FGF13: variants seen among roughly 807,000 people sequenced by gnomAD.
FGF13 encodes fibroblast growth factor 13.
Under a neutral mutation model 19.5 loss-of-function variants are expected in FGF13, and 2 were observed. That is an observed-to-expected ratio of 0.10 (90% confidence interval 0.04 to 0.32). The LOEUF is 0.32. Among genes scored for constraint, FGF13 ranks in the 10% least tolerant of loss-of-function variants. FGF13 has a pLI of 1.00. For missense variants in FGF13, 113 were observed against 192.7 expected, an observed-to-expected ratio of 0.59 and a Z score of 2.45; for synonymous variants, 72 against 76.9, an observed-to-expected ratio of 0.94 and a Z score of 0.33.
At chrX:138,840,477 G>A (rs764173082) in intron 3 of FGF13, among the ~76,000 whole-genome samples, 7 of 111,714 alleles carry the variant, frequency 6.3e-5, no homozygotes, top group Admixed American at 9.5e-5. Flanking sequence ...TGCACAACAG[G>A]TCGCCCTGCC....
chrX:138,931,949 A>G (rs775961943), intron 1 of FGF13, among the ~76,000 whole-genome samples: 12 of 111,302 alleles, frequency 1.1e-4, no homozygotes, highest in Admixed American at 5.7e-4. Flanking sequence ...TCCCATGTCC[A>G]TTCCCCAACA....
intron 1 of FGF13, among the ~76,000 whole-genome samples, chrX:138,970,490 G>A (rs1345069797): frequency 9.0e-6 from 1 of 111,346 alleles, no homozygotes; most frequent in Non-Finnish European, 1.9e-5. Context: ...AGATTGGTAG[G>A]CTACAGAAAC....
At chrX:138,946,914 C>A (rs1170325670) in intron 1 of FGF13, among the ~76,000 whole-genome samples, 1 of 111,945 alleles carries the variant, frequency 8.9e-6, no homozygotes, top group Non-Finnish European at 1.9e-5. Flanking sequence ...AACAAAACTG[C>A]AAAAGAAACA....
chrX:138,988,584 T>C (rs191366234), intron 1 of FGF13, among the ~76,000 whole-genome samples: 1 of 112,277 alleles, frequency 8.9e-6, no homozygotes, highest in Non-Finnish European at 1.9e-5. Context: ...TTCTCTGCCA[T>C]TAGTATGCAG....
intron 1 of FGF13, among the ~76,000 whole-genome samples, chrX:139,141,355 T>A (rs934585088): frequency 8.9e-6 from 1 of 112,243 alleles, no homozygotes; most frequent in Non-Finnish European, 1.9e-5. Flanking sequence ...TGTTCAATAA[T>A]TACCTGTGAA....
At chrX:138,775,909 ATATGT>A (rs2124349840) in intron 3 of FGF13, among the ~76,000 whole-genome samples, 1 of 112,239 alleles carries the variant, frequency 8.9e-6, no homozygotes, top group Non-Finnish European at 1.9e-5. Flanking sequence ...TAGCATGGAG[ATATGT>A]TGTGATGTGA....
downstream of FGF13, among the ~76,000 whole-genome samples, chrX:138,853,190 T>C (rs891919312): frequency 5.4e-5 from 6 of 111,869 alleles, no homozygotes; most frequent in South Asian, 2.2e-3. Flanking sequence ...CAACTATTAA[T>C]TCAAATTAAT....
At chrX:138,814,919 T>G (rs1209965563) in intron 3 of FGF13, among the ~76,000 whole-genome samples, 1 of 111,779 alleles carries the variant, frequency 8.9e-6, no homozygotes, top group East Asian at 2.8e-4. Flanking sequence ...TTTACAATAC[T>G]CAAGATATGG....
At chrX:138,887,463 C>T (rs1034117065) in intron 1 of FGF13, among the ~76,000 whole-genome samples, 1 of 111,575 alleles carries the variant, frequency 9.0e-6, no homozygotes, top group African/African-American at 3.3e-5. Context: ...CAGGCCTCTT[C>T]CTTGTTGAGC....
At chrX:139,174,430 G>A (rs936312868) in intron 1 of FGF13, among the ~76,000 whole-genome samples, 80 of 112,026 alleles carry the variant, frequency 7.1e-4, no homozygotes, top group Non-Finnish European at 1.3e-3. Flanking sequence ...GTCAATTTTC[G>A]CTTTTGTTGC....
At chrX:138,978,266 G>GTTTTTTTTTTTTTTTTTTTTTTTTTTTTT (rs10666140) in intron 1 of FGF13, among the ~76,000 whole-genome samples, 3 of 82,915 alleles carry the variant, frequency 3.6e-5, no homozygotes, top group Admixed American at 1.6e-4. Flanking sequence ...AGCTGCCCTG[G>GTTTTTTTTTTTTTTTTTTTTTTTTTTTTT]TTTTTTTTTT....
At chrX:139,065,496 GAA>G (rs201965064) in intron 1 of FGF13, among the ~76,000 whole-genome samples, 12,641 of 88,883 alleles carry the variant, frequency 0.14, 812 homozygotes, top group African/African-American at 0.24. Context: ...AAAAAAAAAA[GAA>G]AAAGAAAAAA....
At chrX:138,708,336 T>C (rs1424999047) in intron 2 of FGF13, among the ~76,000 whole-genome samples, 1 of 111,682 alleles carries the variant, frequency 9.0e-6, no homozygotes, top group African/African-American at 3.3e-5. Flanking sequence ...CCTGCGGAGG[T>C]ATCTCAATGT....
Position 139,005,439 on chromosome X carries a change from G to A in FGF13, c.-112-140789C>T, listed in dbSNP as rs188042895. Among the ~76,000 whole-genome samples the A allele has an allele frequency of 2.2e-3, 246 of 110,490 alleles. 2 individuals are homozygous for A. Among genetic ancestry groups the A allele is most frequent in the African/African-American group, 7.5e-3 (229 of 30,342 alleles). On this transcript the variant is annotated intron_variant, in intron 1 of 2. Coordinates refer to the FGF13 transcript ENST00000421460. The stretch of plus-strand genomic sequence containing the variant: ...ATACTTAAGTCCTTTTGAATACCAG[G>A]AAAGGCTTCTCAAGGAGGATGCATA...
chrX:138,956,308 G>C (rs2091841190), intron 1 of FGF13, among the ~76,000 whole-genome samples: 1 of 111,954 alleles, frequency 8.9e-6, no homozygotes, highest in Non-Finnish European at 1.9e-5. Context: ...GCAGAAATAA[G>C]ACAGAAAGAA....
At chrX:139,004,025 G>A (rs2092088112) in intron 1 of FGF13, among the ~76,000 whole-genome samples, 1 of 112,383 alleles carries the variant, frequency 8.9e-6, no homozygotes, top group South Asian at 3.7e-4. Flanking sequence ...CCGTGCACTC[G>A]CATTCCTTGG....
In FGF13 at chrX:138,980,674, GGTTTT is replaced by G. The variant is rs1301470222; in HGVS notation, c.-112-116029_-112-116025del. ...TCACTATGGATGCTTCCAGAAGTGTGGTTTTTTTTTTTTTTTTTTTTTTGCATTAA... is the reference window on the plus strand; with the variant it reads ...TCACTATGGATGCTTCCAGAAGTGTGTTTTTTTTTTTTTTTTTTGCATTAA... On this transcript the variant is annotated intron_variant, in intron 1 of 2. Transcript: ENST00000421460. 4.0e-3 allele frequency among the ~76,000 whole-genome samples: 134 copies of G among 33,837 alleles called. 1 individual carries two copies. Among genetic ancestry groups the G allele is most frequent in the African/African-American group, 0.013 (132 of 10,061 alleles). The allele number at this position is 33,837 out of a possible 115,157, so 29.4% of individuals were successfully genotyped here. A position where few individuals can be genotyped will look rare whatever the true frequency, so the allele number is the denominator to read the frequency against.
At chrX:138,832,387 T>C (rs1330489140) in intron 3 of FGF13, among the ~76,000 whole-genome samples, 1 of 112,179 alleles carries the variant, frequency 8.9e-6, no homozygotes, top group African/African-American at 3.3e-5. Context: ...ATTGTAGTTT[T>C]GATTTGCATT....
chrX:138,980,035 C>T (rs2091956952), intron 1 of FGF13, among the ~76,000 whole-genome samples: 1 of 111,871 alleles, frequency 8.9e-6, no homozygotes, highest in Non-Finnish European at 1.9e-5. Context: ...AATCAATATG[C>T]AATATGCTGA....
Sources: gnomAD v4.1 joint callset for allele counts (sites outside exome capture counted in the v4.1 genomes callset) on GRCh38, gnomAD v4.1.1 for gene constraint, MANE v1.5 for transcripts, NCBI Gene and HGNC (gene_info 2026-07-23, HGNC 2026-07-21) for gene names.